The following PGPEP1L variants were observed in gnomAD, a reference collection of about 807,000 sequenced individuals.
The protein encoded by PGPEP1L is pyroglutamyl-peptidase I like, also known as pyroglutamyl-peptidase 1-like protein.
In PGPEP1L, 7 loss-of-function variants were observed where a neutral mutation model predicts 6.0. The ratio of observed to expected loss-of-function variants is 1.17; its 90% CI spans 0.66 to 2.19. PGPEP1L has a LOEUF of 2.19. Ranked by LOEUF, PGPEP1L falls within the 30% of genes most tolerant of loss-of-function variation. The probability of loss-of-function intolerance (pLI) is 0.00; values close to 1 mark genes in which losing one functional copy is unlikely to be tolerated. For synonymous variants in PGPEP1L, 103 were observed against 83.9 expected (o/e 1.23, Z -1.24); for missense variants, 209 against 192.5 (o/e 1.09, Z -0.51).
At chr15:98,985,397 G>A (rs1329123945) in intron 2 of PGPEP1L, among the ~76,000 whole-genome samples, 1 of 152,172 alleles carries the variant, frequency 6.6e-6, no homozygotes, top group African/African-American at 2.4e-5. Flanking sequence ...AAATTAGCTG[G>A]CGTGATGGCA....
intron 1 of PGPEP1L, among the ~76,000 whole-genome samples, chr15:99,006,061 A>G (rs1238814164): frequency 1.3e-5 from 2 of 152,268 alleles, no homozygotes; most frequent in Admixed American, 6.5e-5. Flanking sequence ...AGAGAAAACC[A>G]TAGATGAATC....
intron 2 of PGPEP1L, among the ~76,000 whole-genome samples, chr15:98,979,809 C>A (rs1019419912): frequency 1.3e-5 from 2 of 151,900 alleles, no homozygotes; most frequent in African/African-American, 4.8e-5. Context: ...GCCACCACAC[C>A]CGGCTAATTT....
chr15:98,996,959 TCA>T lies in PGPEP1L; in HGVS notation c.-142+8468_-142+8469del, dbSNP rs2017897183. Among the ~76,000 whole-genome samples, 11 of 152,290 alleles carry T rather than the reference TCA, an allele frequency of 7.2e-5. No homozygotes were observed. The South Asian group carries it at 2.3e-3, about 32-fold the overall frequency. ...CCGTTAATCATCACACCTTCCCATT[TCA>T]CAGATGAGAAAATTGAGACACAGAA... On this transcript the variant is annotated intron_variant, in intron 2 of 4. Coordinates refer to ENST00000535714, the MANE Select transcript of PGPEP1L (RefSeq NM_001167902.2).
intron 1 of PGPEP1L, 123 bp from the exon 2 acceptor site, chr15:99,005,779 G>A (rs1210723816): frequency 6.6e-6 from 1 of 152,332 alleles, no homozygotes; most frequent in Admixed American, 6.5e-5. Context: ...TGTTCAGGAT[G>A]GTTCAAAGGT....
At chr15:98,996,750 C>A (rs782657905) in intron 2 of PGPEP1L, among the ~76,000 whole-genome samples, 1 of 152,054 alleles carries the variant, frequency 6.6e-6, no homozygotes, top group Non-Finnish European at 1.5e-5. Context: ...GCTTGCCCAG[C>A]CATGCAGAGG....
chr15:98,970,857 C>T (rs2017483126), intron 3 of PGPEP1L, among the ~76,000 whole-genome samples, 179 bp downstream of exon 3: 1 of 152,164 alleles, frequency 6.6e-6, no homozygotes, highest in African/African-American at 2.4e-5. Flanking sequence ...CATATTTTGG[C>T]TTAAACTTTT....
intron 2 of PGPEP1L, among the ~76,000 whole-genome samples, chr15:98,990,078 G>A (rs965568393): frequency 3.9e-5 from 6 of 151,986 alleles, no homozygotes; most frequent in African/African-American, 9.7e-5. Context: ...ATCAACTAAC[G>A]GGCAAAATAA....
intron 2 of PGPEP1L, among the ~76,000 whole-genome samples, chr15:98,984,300 G>A (rs902400726): frequency 3.3e-5 from 5 of 152,172 alleles, no homozygotes; most frequent in Admixed American, 1.3e-4. Context: ...CTGAGCCACC[G>A]TGCTCGGCCT....
At chr15:98,979,525 G>T (rs2017624067) in intron 2 of PGPEP1L, among the ~76,000 whole-genome samples, 1 of 151,444 alleles carries the variant, frequency 6.6e-6, no homozygotes, top group African/African-American at 2.4e-5. Context: ...ATCAATCAAT[G>T]AGTGGATAAA....
intron 2 of PGPEP1L, among the ~76,000 whole-genome samples, chr15:98,978,765 C>G (rs2017610686): frequency 7.5e-6 from 1 of 133,456 alleles, no homozygotes; most frequent in Admixed American, 8.3e-5. Flanking sequence ...CAGTCTTGCT[C>G]TGTCACCAGG....
Position 98,995,030 on chromosome 15 carries a change from T to C in PGPEP1L, c.-142+10399A>G, listed in dbSNP as rs550841203. On this transcript the variant is annotated intron_variant, in intron 2 of 4. Transcript: ENST00000535714. Reference sequence around the variant, plus strand: ...ACTATAATGTGTATCCGTGTGGATCTTGTTTGTCCTTGCTTGGTCTATTTT... The same window carrying C: ...ACTATAATGTGTATCCGTGTGGATCCTGTTTGTCCTTGCTTGGTCTATTTT... Among the ~76,000 whole-genome samples, 4 of 152,338 alleles carry C rather than the reference T, an allele frequency of 2.6e-5. No individual in the cohort carries two copies. The South Asian group carries it at 6.2e-4, about 24-fold the overall frequency.
chr15:98,970,520 C>T (rs884637), intron 3 of PGPEP1L, among the ~76,000 whole-genome samples: 10,230 of 113,680 alleles, frequency 0.09, 582 homozygotes, highest in African/African-American at 0.19. Context: ...TTTTATTAAC[C>T]TCATCACATC....
chr15:99,000,512 G>C (rs2017950387), intron 2 of PGPEP1L, among the ~76,000 whole-genome samples: 1 of 152,208 alleles, frequency 6.6e-6, no homozygotes, highest in Non-Finnish European at 1.5e-5. Context: ...CTAAGGGATT[G>C]TAAATACACC....
Position 98,971,088 on chromosome 15 carries a change from T to G in PGPEP1L, c.-71A>C, listed in dbSNP as rs2017486916. On this transcript the variant is annotated 5_prime_UTR_variant, in exon 3 of 5. Coordinates refer to ENST00000535714, the MANE Select transcript of PGPEP1L (RefSeq NM_001167902.2). ...GGTGACCCTCCGCTTAGCCTCCCTG[T>G]AATCTACAGGCAGCTCCAGAGTCCG... 6.2e-7 allele frequency: 1 copy of G among 1,612,802 alleles called. No individual in the cohort carries two copies. The highest frequency in any genetic ancestry group is 1.1e-5 in the South Asian group (1 of 91,058).
intron 2 of PGPEP1L, among the ~76,000 whole-genome samples, chr15:98,990,225 T>C (rs879959762): frequency 6.6e-6 from 1 of 151,912 alleles, no homozygotes; most frequent in Non-Finnish European, 1.5e-5. Flanking sequence ...GTGTCTCACG[T>C]GCAAAGACAC....
intron 2 of PGPEP1L, among the ~76,000 whole-genome samples, chr15:98,996,697 G>A (rs113475817): frequency 1.6e-4 from 25 of 152,124 alleles, no homozygotes; most frequent in African/African-American, 5.3e-4. Flanking sequence ...ATGTGTGCAC[G>A]CGTGGGTACG....
chr15:98,985,569 C>T (rs149066986), intron 2 of PGPEP1L, among the ~76,000 whole-genome samples: 212 of 152,248 alleles, frequency 1.4e-3, no homozygotes, highest in African/African-American at 4.8e-3. Flanking sequence ...AAACAAAAAA[C>T]CCACTCTTGT....
chr15:98,988,537 T>C (rs967739095), intron 2 of PGPEP1L, among the ~76,000 whole-genome samples: 2 of 152,152 alleles, frequency 1.3e-5, no homozygotes, highest in Non-Finnish European at 2.9e-5. Context: ...ACAGAGCACC[T>C]GGGGGAAGGG....
chr15:98,969,415 CA>C lies in PGPEP1L; in HGVS notation c.209+9del. ...TACCTGCTCAGAGTCCTGACACCCA[CA>C]GAGCATACCTGCCTGCATCTCGGGA... On this transcript the variant is annotated intron_variant, in intron 4 of 4. Transcript: ENST00000535714. 1.9e-6 allele frequency: 3 copies of C among 1,613,954 alleles called. No individual in the cohort carries two copies. Among genetic ancestry groups the C allele is most frequent in the Non-Finnish European group, 2.5e-6 (3 of 1,179,882 alleles).
Sources: gnomAD v4.1 joint callset for allele counts (sites outside exome capture counted in the v4.1 genomes callset) on GRCh38, gnomAD v4.1.1 for gene constraint, MANE v1.5 for transcripts, NCBI Gene and HGNC (gene_info 2026-07-23, HGNC 2026-07-21) for gene names.